Variants in PLPPR1 observed in about 807,000 individuals in gnomAD.
The protein encoded by PLPPR1 is phospholipid phosphatase-related protein type 1.
In PLPPR1, 10 loss-of-function variants were observed where a neutral mutation model predicts 33.1. That is an observed-to-expected ratio of 0.30 (90% confidence interval 0.19 to 0.51). The LOEUF is 0.51. PLPPR1 is among the 20% of genes least tolerant of loss of function. The pLI, the probability that PLPPR1 is intolerant of heterozygous loss-of-function variation, is 0.97. For synonymous variants in PLPPR1, 151 were observed against 151.0 expected, an observed-to-expected ratio of 1.00 and a Z score of 0.00; for missense variants, 304 against 408.1, an observed-to-expected ratio of 0.74 and a Z score of 2.20.
At chr9:101,068,014 A>G (rs1463542201) in intron 1 of PLPPR1, among the ~76,000 whole-genome samples, 1 of 152,094 alleles carries the variant, frequency 6.6e-6, no homozygotes, top group Non-Finnish European at 1.5e-5. Context: ...GAAGGTACTC[A>G]GTTATTATTA....
At chr9:101,044,618 A>G (rs2118428206) in intron 1 of PLPPR1, among the ~76,000 whole-genome samples, 1 of 152,316 alleles carries the variant, frequency 6.6e-6, no homozygotes, top group Admixed American at 6.5e-5. Context: ...CTAATTTAGC[A>G]CCATCATTTT....
At chr9:101,248,477 A>G (rs1043860046) in intron 2 of PLPPR1, among the ~76,000 whole-genome samples, 2 of 152,050 alleles carry the variant, frequency 1.3e-5, no homozygotes, top group Non-Finnish European at 2.9e-5. Context: ...CAGATTATGC[A>G]TTGTGCTATG....
At chr9:101,222,099 G>C (rs1297769741) in intron 2 of PLPPR1, among the ~76,000 whole-genome samples, 1 of 152,138 alleles carries the variant, frequency 6.6e-6, no homozygotes, top group Non-Finnish European at 1.5e-5. Flanking sequence ...GTGACACCAA[G>C]TCCTCAGAGA....
At chr9:101,291,764 G>T (rs1245717334) in intron 4 of PLPPR1, among the ~76,000 whole-genome samples, 1 of 152,086 alleles carries the variant, frequency 6.6e-6, no homozygotes, top group African/African-American at 2.4e-5. Flanking sequence ...CAAACAGAAA[G>T]GACATCCACA....
At chr9:101,233,283 T>C (rs1827227632) in intron 2 of PLPPR1, among the ~76,000 whole-genome samples, 2 of 152,022 alleles carry the variant, frequency 1.3e-5, no homozygotes, top group South Asian at 4.1e-4. Context: ...CCATTCTTCA[T>C]TTACTTCTGA....
chr9:101,200,424 A>G (rs1588069478), intron 2 of PLPPR1, among the ~76,000 whole-genome samples: 2 of 152,094 alleles, frequency 1.3e-5, no homozygotes, highest in South Asian at 2.1e-4. Flanking sequence ...CATTGTTTCA[A>G]AGTTCACTTT....
rs1057013962 is a variant in PLPPR1, at chr9:101,324,377, G to T, written c.*320G>T. ...TTTGTACACAAATTTTCTTTTCTCA[G>T]TTTTATAAACACAGAATATAACAAT... On this transcript the variant is annotated 3_prime_UTR_variant, in exon 8 of 8. Coordinates refer to ENST00000374874, the MANE Select transcript of PLPPR1 (RefSeq NM_207299.2). 4.2e-6 allele frequency: 1 copy of T among 236,508 alleles called. No homozygotes were observed. 14.7% of individuals were successfully genotyped at this position (236,508 alleles called of 1,614,324 possible).
At chr9:101,185,956 A>C (rs1364011898) in intron 2 of PLPPR1, among the ~76,000 whole-genome samples, 1 of 151,922 alleles carries the variant, frequency 6.6e-6, no homozygotes, top group Non-Finnish European at 1.5e-5. Context: ...TTTACAGATG[A>C]TATTAGTTCA....
At chr9:101,268,335 G>T (rs1828036370) in intron 2 of PLPPR1, among the ~76,000 whole-genome samples, 1 of 152,080 alleles carries the variant, frequency 6.6e-6, no homozygotes, top group Non-Finnish European at 1.5e-5. Flanking sequence ...TGGAAGAGTT[G>T]CAGAATTACT....
intron 1 of PLPPR1, among the ~76,000 whole-genome samples, chr9:101,151,695 TTC>T (rs1347580004): frequency 1.3e-5 from 2 of 152,188 alleles, no homozygotes; most frequent in South Asian, 2.1e-4. Context: ...GCGCTGCCAC[TTC>T]TCTCTCTCCC....
chr9:101,074,855 A>G (rs1199020311), intron 1 of PLPPR1, among the ~76,000 whole-genome samples: 1 of 152,218 alleles, frequency 6.6e-6, no homozygotes, highest in Non-Finnish European at 1.5e-5. Context: ...AGAACTACAG[A>G]TACAAGTTTA....
intron 4 of PLPPR1, among the ~76,000 whole-genome samples, chr9:101,300,318 C>T (rs1382902296): frequency 6.6e-6 from 1 of 152,048 alleles, no homozygotes; most frequent in African/African-American, 2.4e-5. Flanking sequence ...GGAGCACAGG[C>T]ACACACCACC....
intron 3 of PLPPR1, among the ~76,000 whole-genome samples, chr9:101,284,293 A>AT (rs1285731578): frequency 6.6e-6 from 1 of 152,120 alleles, no homozygotes; most frequent in Non-Finnish European, 1.5e-5. Flanking sequence ...CAATTCTGTC[A>AT]TTGGTGACAA....
Position 101,309,536 on chromosome 9 carries a change from TTTCA to T in PLPPR1, c.636+78_636+81del, listed in dbSNP as rs1194678891. The T allele has an allele frequency of 3.9e-5, 59 of 1,508,734 alleles. 2 individuals are homozygous for T. In the Middle Eastern group the frequency reaches 6.1e-4, roughly 16 times the overall value. 93.5% of individuals were successfully genotyped at this position (1,508,734 alleles called of 1,614,324 possible). A position where few individuals can be genotyped will look rare whatever the true frequency, so the allele number is the denominator to read the frequency against. Reference sequence around the variant, plus strand: ...GTGTCTCCCTGCCCTGTCTCCATTCTTTCATTGTCACTTATAGCGACTCTTAAAT... The same window carrying T: ...GTGTCTCCCTGCCCTGTCTCCATTCTTTGTCACTTATAGCGACTCTTAAAT... On this transcript the variant is annotated intron_variant, in intron 5 of 7. Coordinates refer to ENST00000374874, the MANE Select transcript of PLPPR1 (RefSeq NM_207299.2).
chr9:101,302,640 T>C (rs980429689), intron 4 of PLPPR1, among the ~76,000 whole-genome samples: 1 of 152,176 alleles, frequency 6.6e-6, no homozygotes, highest in Non-Finnish European at 1.5e-5. Context: ...GGGGAAACAG[T>C]GTTAAGAATT....
At chr9:101,089,492 T>C (rs1451938897) in intron 1 of PLPPR1, among the ~76,000 whole-genome samples, 1 of 152,200 alleles carries the variant, frequency 6.6e-6, no homozygotes, top group African/African-American at 2.4e-5. Context: ...ACGCTTTCCT[T>C]TAATGCTTGT....
At chr9:101,174,500 C>A (rs1490938569) in intron 1 of PLPPR1, among the ~76,000 whole-genome samples, 2 of 152,080 alleles carry the variant, frequency 1.3e-5, no homozygotes, top group Admixed American at 1.3e-4. Context: ...GTCATGGAGA[C>A]CCTTTTGAAG....
chr9:101,317,787 T>C lies in PLPPR1; in HGVS notation c.945+291T>C, dbSNP rs924506314. 2.0e-5 allele frequency among the ~76,000 whole-genome samples: 3 copies of C among 152,212 alleles called. No individual in the cohort carries two copies. In the South Asian group the frequency reaches 6.2e-4, roughly 31 times the overall value. On this transcript the variant is annotated intron_variant, in intron 7 of 7. Coordinates refer to ENST00000374874, the MANE Select transcript of PLPPR1 (RefSeq NM_207299.2). ...AATATAATATCACATTCATGAAATT[T>C]GCACTAATCATATGGAAAAAAGCAA...
intron 1 of PLPPR1, among the ~76,000 whole-genome samples, chr9:101,150,062 T>C (rs1300696361): frequency 1.3e-5 from 2 of 152,114 alleles, no homozygotes; most frequent in Non-Finnish European, 2.9e-5. Context: ...GTTTATTTTA[T>C]ATATGTGCTT....
Sources: allele counts gnomAD v4.1 joint callset (sites outside exome capture counted in the v4.1 genomes callset), GRCh38; gene constraint gnomAD v4.1.1; transcripts MANE v1.5; gene names NCBI Gene and HGNC (gene_info 2026-07-23, HGNC 2026-07-21).